Variants in ROCK1 observed in about 807,000 individuals in gnomAD.
ROCK1 encodes the protein rho-associated protein kinase 1.
Under a neutral mutation model 196.8 loss-of-function variants are expected in ROCK1, and 36 were observed. That is an observed-to-expected ratio of 0.18 (90% confidence interval 0.14 to 0.24). The LOEUF (loss-of-function observed/expected upper bound fraction) is 0.24, where lower values mean the gene tolerates loss of function less well. Ranked by LOEUF, ROCK1 falls within the 10% of genes least tolerant of loss-of-function variation. The probability of loss-of-function intolerance (pLI) is 1.00; values close to 1 mark genes in which losing one functional copy is unlikely to be tolerated. For missense variants in ROCK1, 920 were observed against 1,562.0 expected (o/e 0.59, Z 6.93); for synonymous variants, 443 against 515.9 (o/e 0.86, Z 1.91).
At chr18:20,984,671 T>A in intron 19 of ROCK1, 136 bp from the exon 20 acceptor site, 1 of 625,468 alleles carries the variant, frequency 1.6e-6, no homozygotes, top group Non-Finnish European at 2.6e-6. Context: ...TAAAGAGTCT[T>A]CATTGTTCCA....
At chr18:21,031,233 A>T (rs1317322494) in intron 9 of ROCK1, among the ~76,000 whole-genome samples, 1 of 152,196 alleles carries the variant, frequency 6.6e-6, no homozygotes, top group Non-Finnish European at 1.5e-5. Context: ...CTTTAAAACA[A>T]TGTCCAGTTT....
intron 1 of ROCK1, among the ~76,000 whole-genome samples, chr18:21,094,030 C>G (rs1568408596): frequency 6.6e-6 from 1 of 152,004 alleles, no homozygotes; most frequent in Non-Finnish European, 1.5e-5. Context: ...ATCTTTTCCT[C>G]CAGAGCTCTA....
At chr18:20,996,590 C>T (rs2035672894) in intron 16 of ROCK1, among the ~76,000 whole-genome samples, 1 of 152,092 alleles carries the variant, frequency 6.6e-6, no homozygotes, top group African/African-American at 2.4e-5. Context: ...AGAGGTCTGA[C>T]TCAGCACAGT....
chr18:21,026,445 GAAAAAAAAAAA>G lies in ROCK1; in HGVS notation c.1211+2320_1211+2330del, dbSNP rs747563785. Among the ~76,000 whole-genome samples the G allele has an allele frequency of 2.5e-3, 89 of 35,316 alleles. 1 individual carries two copies. Among genetic ancestry groups the G allele is most frequent in the Middle Eastern group, 0.053 (2 of 38 alleles). 23.2% of individuals were successfully genotyped at this position (35,316 alleles called of 152,430 possible). Reference sequence around the variant, plus strand: ...GGCAACAAGAGCAAAACTCTGTCTCGAAAAAAAAAAAAAAAAAAAAAAAAAGAATGCTTCAG... The same window carrying G: ...GGCAACAAGAGCAAAACTCTGTCTCGAAAAAAAAAAAAAAGAATGCTTCAG... On this transcript the variant is annotated intron_variant, in intron 10 of 32. Coordinates refer to ENST00000399799, the MANE Select transcript of ROCK1 (RefSeq NM_005406.3).
chr18:21,065,370 T>G (rs933154308), intron 2 of ROCK1, among the ~76,000 whole-genome samples: 1 of 152,136 alleles, frequency 6.6e-6, no homozygotes, highest in Non-Finnish European at 1.5e-5. Flanking sequence ...TGTTTTTTTT[T>G]TAAGCCAAAC....
At chr18:20,981,288 G>A (rs1440196241) in intron 21 of ROCK1, among the ~76,000 whole-genome samples, 3 of 151,958 alleles carry the variant, frequency 2.0e-5, no homozygotes, top group Admixed American at 6.6e-5. Flanking sequence ...CAGCTACTCG[G>A]GATGCTGAGG....
chr18:20,964,049 T>A (rs2035350871), intron 27 of ROCK1, among the ~76,000 whole-genome samples: 1 of 152,148 alleles, frequency 6.6e-6, no homozygotes, highest in African/African-American at 2.4e-5. Flanking sequence ...TGCAAGATAA[T>A]TAAATTATAA....
intron 2 of ROCK1, among the ~76,000 whole-genome samples, chr18:21,068,307 T>G (rs1293765006): frequency 6.6e-6 from 1 of 152,224 alleles, no homozygotes; most frequent in Non-Finnish European, 1.5e-5. Context: ...CAATTAACCA[T>G]ATACTTGCAT....
At position 20,971,376 on chromosome 18, in the gene ROCK1, A is replaced by G. The variant is rs187694579; in HGVS notation, c.2655-863T>C. ...CAGAAAATTCATTAATTCACCCAAC[A>G]GCTATTTACTTGAAGGTTTACTAAG... On this transcript the variant is annotated intron_variant, in intron 22 of 32. Transcript: ENST00000399799. 4.7e-4 allele frequency among the ~76,000 whole-genome samples: 70 copies of G among 149,352 alleles called. 1 individual carries two copies. The East Asian group carries it at 0.011, about 23-fold the overall frequency.
chr18:21,104,748 C>T (rs2036689480), intron 1 of ROCK1, among the ~76,000 whole-genome samples: 2 of 152,170 alleles, frequency 1.3e-5, no homozygotes, highest in South Asian at 4.1e-4. Flanking sequence ...AACAAGATAA[C>T]AACTCAATCT....
At chr18:21,109,885 G>A (rs2036734909) in intron 1 of ROCK1, among the ~76,000 whole-genome samples, 1 of 151,990 alleles carries the variant, frequency 6.6e-6, no homozygotes, top group African/African-American at 2.4e-5. Context: ...TTTCACCGAA[G>A]ACATTGTGAA....
rs193011450 is a variant in ROCK1 at position 21,067,424 on chromosome 18, T to A, written c.175+3108A>T. On this transcript the variant is annotated intron_variant, in intron 2 of 32. Transcript: ENST00000399799. ...TTTTTTGAGACAAAGTCTTGCTCTG[T>A]CGCCCAGGCTGGAGTGCAGTGGTGC... 2.7e-5 allele frequency among the ~76,000 whole-genome samples: 4 copies of A among 150,324 alleles called. No homozygotes were observed. The East Asian group carries it at 7.8e-4, about 29-fold the overall frequency.
At chr18:21,026,939 C>CTT (rs1208782541) in intron 10 of ROCK1, among the ~76,000 whole-genome samples, 18 of 136,284 alleles carry the variant, frequency 1.3e-4, no homozygotes, top group East Asian at 4.2e-4. Context: ...CTTTTTCTTT[C>CTT]TTTTTTTTTT....
rs559726023 is a variant in ROCK1, at chr18:21,021,453, G to C, written c.1273-1214C>G. Among the ~76,000 whole-genome samples the C allele has an allele frequency of 7.9e-5, 12 of 152,162 alleles. No individual in the cohort carries two copies. In the East Asian group the frequency reaches 1.9e-3, roughly 24 times the overall value. The stretch of plus-strand genomic sequence containing the variant: ...TAAATAAAATTCAAAAATATGGGAG[G>C]TAAAAAAGAGGGAAACAATAGGAAC... On this transcript the variant is annotated intron_variant, in intron 11 of 32. Coordinates refer to ENST00000399799, the MANE Select transcript of ROCK1 (RefSeq NM_005406.3).
intron 19 of ROCK1, among the ~76,000 whole-genome samples, chr18:20,985,162 G>A (rs1030314875): frequency 2.6e-5 from 4 of 151,362 alleles, no homozygotes; most frequent in South Asian, 2.1e-4. Flanking sequence ...ACCTGTCTAC[G>A]TGCTCTACTC....
intron 1 of ROCK1, among the ~76,000 whole-genome samples, chr18:21,090,481 A>C (rs185088172): frequency 6.6e-6 from 1 of 152,212 alleles, no homozygotes; most frequent in African/African-American, 2.4e-5. Flanking sequence ...TGTATCAAAA[A>C]ACACACACAC....
intron 22 of ROCK1, among the ~76,000 whole-genome samples, chr18:20,975,987 T>G (rs554588184): frequency 6.6e-6 from 1 of 152,334 alleles, no homozygotes; most frequent in East Asian, 1.9e-4. Flanking sequence ...CCTGCTCTGA[T>G]CTTCTCTTAC....
At chr18:20,969,281 TA>T in intron 23 of ROCK1, 73 bp from the exon 24 acceptor site, 2 of 849,068 alleles carry the variant, frequency 2.4e-6, no homozygotes, top group Non-Finnish European at 3.9e-6. Context: ...AACCTTTAAA[TA>T]TACTGCTAGA....
intron 1 of ROCK1, among the ~76,000 whole-genome samples, chr18:21,078,539 A>G (rs1358114908): frequency 1.3e-5 from 2 of 152,036 alleles, no homozygotes; most frequent in African/African-American, 4.8e-5. Context: ...GTCTGAGTGG[A>G]TGGAGTTTGA....
Sources: allele counts gnomAD v4.1 joint callset (sites outside exome capture counted in the v4.1 genomes callset), GRCh38; gene constraint gnomAD v4.1.1; transcripts MANE v1.5; gene names NCBI Gene and HGNC (gene_info 2026-07-23, HGNC 2026-07-21).